Variants in RFX3 observed in about 807,000 individuals in gnomAD.
RFX3 encodes the protein regulatory factor X3.
Under a neutral mutation model 98.6 loss-of-function variants are expected in RFX3, and 14 were observed. The ratio of observed to expected loss-of-function variants is 0.14; its 90% CI spans 0.09 to 0.22. RFX3 has a LOEUF of 0.22. RFX3 is among the 10% of genes least tolerant of loss of function. RFX3 has a pLI of 1.00. For missense variants in RFX3, 639 were observed against 926.9 expected (o/e 0.69, Z 4.03); for synonymous variants, 383 against 328.4 (o/e 1.17, Z -1.80).
chr9:3,412,278 G>C (rs1842526306), intron 1 of RFX3, among the ~76,000 whole-genome samples: 2 of 152,076 alleles, frequency 1.3e-5, no homozygotes, highest in Non-Finnish European at 2.9e-5. Context: ...GGTTGGACAG[G>C]CCATCAAGGT....
chr9:3,414,414 C>T (rs1189540056), intron 1 of RFX3, among the ~76,000 whole-genome samples: 1 of 151,648 alleles, frequency 6.6e-6, no homozygotes, highest in African/African-American at 2.4e-5. Context: ...ATTATTCATA[C>T]TAGTTGAAAG....
At chr9:3,449,401 T>C (rs2132831825) in intron 1 of RFX3, among the ~76,000 whole-genome samples, 1 of 152,358 alleles carries the variant, frequency 6.6e-6, no homozygotes, top group South Asian at 2.1e-4. Context: ...TGTTTGCTTA[T>C]TTATTAGAGA....
intron 1 of RFX3, among the ~76,000 whole-genome samples, chr9:3,518,523 A>G (rs1175195517): frequency 1.3e-5 from 2 of 152,196 alleles, no homozygotes; most frequent in Non-Finnish European, 2.9e-5. Context: ...AAAGACATAT[A>G]GTATCAGGTA....
At chr9:3,445,534 G>A (rs1429651087) in intron 1 of RFX3, among the ~76,000 whole-genome samples, 2 of 152,018 alleles carry the variant, frequency 1.3e-5, no homozygotes, top group East Asian at 1.9e-4. Flanking sequence ...AAATCACTCC[G>A]AGTTCACTGA....
intron 1 of RFX3, among the ~76,000 whole-genome samples, chr9:3,443,816 C>G (rs1055851046): frequency 6.6e-6 from 1 of 152,116 alleles, no homozygotes; most frequent in Non-Finnish European, 1.5e-5. Flanking sequence ...ATTTACACTC[C>G]CACCAACGAT....
At chr9:3,504,944 A>ATATATT (rs1564185928) in intron 1 of RFX3, among the ~76,000 whole-genome samples, 1 of 59,328 alleles carries the variant, frequency 1.7e-5, no homozygotes, top group Non-Finnish European at 2.5e-5. Flanking sequence ...TAATATATAT[A>ATATATT]ATATAATATA....
chr9:3,443,797 G>A (rs776103993), intron 1 of RFX3, among the ~76,000 whole-genome samples: 6 of 152,166 alleles, frequency 3.9e-5, no homozygotes, highest in Non-Finnish European at 5.9e-5. Flanking sequence ...TTCCACAATG[G>A]TTGAACTAAT....
chr9:3,285,174 A>G (rs1773235123), intron 7 of RFX3, among the ~76,000 whole-genome samples: 1 of 151,860 alleles, frequency 6.6e-6, no homozygotes, highest in South Asian at 2.1e-4. Context: ...AAACAAATTT[A>G]CATTATGAAA....
At chr9:3,270,078 GAAGGAAAGAAAGAAAGAAAGAAA>G (rs1482312021) in intron 11 of RFX3, among the ~76,000 whole-genome samples, 1 of 43,556 alleles carries the variant, frequency 2.3e-5, no homozygotes, top group Non-Finnish European at 6.3e-5. Context: ...GAAAGAGAAA[GAAGGAAAGAAAGAAAGAAAGAAA>G]GAAAGAAAGA....
At chr9:3,524,772 T>C (rs1298579090) in intron 1 of RFX3, 1 of 199,126 alleles carries the variant, frequency 5.0e-6, no homozygotes. Context: ...TAAAGCACTG[T>C]CAATAACTAC....
intron 14 of RFX3, among the ~76,000 whole-genome samples, chr9:3,249,916 C>A (rs889806919): frequency 6.6e-6 from 1 of 151,842 alleles, no homozygotes; most frequent in Non-Finnish European, 1.5e-5. Context: ...ACTACTTTAA[C>A]GAATTCCTTA....
rs144981174 is a variant in RFX3 at position 3,291,449 on chromosome 9, T to C, written c.731+1628A>G. Among the ~76,000 whole-genome samples, 927 of 150,554 alleles carry C rather than the reference T, an allele frequency of 6.2e-3. 3 individuals are homozygous for C. The highest frequency in any genetic ancestry group is 1.0e-2 in the Non-Finnish European group (671 of 67,382). On this transcript the variant is annotated intron_variant, in intron 6 of 16. Transcript: ENST00000617270. The stretch of plus-strand genomic sequence containing the variant: ...ACAAAACAAAACAGACCTTGCTGAG[T>C]TTCCCCCAGATTAGAACCATTAGAT...
At chr9:3,440,485 T>G (rs1845521383) in intron 1 of RFX3, among the ~76,000 whole-genome samples, 1 of 152,066 alleles carries the variant, frequency 6.6e-6, no homozygotes, top group Admixed American at 6.6e-5. Context: ...AAAATAAATT[T>G]ATAATAGCAT....
intron 1 of RFX3, among the ~76,000 whole-genome samples, chr9:3,415,070 G>C (rs866690291): frequency 1.2e-5 from 1 of 81,368 alleles, no homozygotes; most frequent in Non-Finnish European, 2.0e-5. Context: ...TCATATATAA[G>C]TATATATATA....
intron 16 of RFX3, among the ~76,000 whole-genome samples, chr9:3,226,684 G>T (rs1817813874): frequency 6.6e-6 from 1 of 152,152 alleles, no homozygotes; most frequent in African/African-American, 2.4e-5. Flanking sequence ...ACATTCAAAG[G>T]GTTGGAGGGC....
At chr9:3,456,921 G>A (rs1028265228) in intron 1 of RFX3, among the ~76,000 whole-genome samples, 2 of 151,796 alleles carry the variant, frequency 1.3e-5, no homozygotes, top group Admixed American at 1.3e-4. Flanking sequence ...GGCTGAGGCG[G>A]GTGGATCATG....
rs770333176 is a variant in RFX3, at chr9:3,270,507, T to C, written c.1221A>G (p.Glu407=). The C allele has an allele frequency of 6.2e-6, 10 of 1,613,104 alleles. No homozygotes were observed. The South Asian group carries it at 1.1e-4, about 18-fold the overall frequency. ...ITESSNLSEI[E]SRLPKAKLIT... ...TCAGCTTTGCTTTCGGAAGTCGACT[T>C]TCTATTTCACTCAGATTGCTGGTGT... The change falls in exon 11 of 17, where the codon GAA becomes GAG. Residue 407 remains glutamate, a synonymous_variant. Coordinates refer to ENST00000617270, the MANE Select transcript of RFX3 (RefSeq NM_001282116.2).
At chr9:3,238,442 G>C (rs1469993996) in intron 15 of RFX3, among the ~76,000 whole-genome samples, 2 of 152,192 alleles carry the variant, frequency 1.3e-5, no homozygotes, top group Non-Finnish European at 2.9e-5. Context: ...CTGGAATGGG[G>C]GTGATTACAC....
At chr9:3,370,063 G>C (rs975615751) in intron 2 of RFX3, among the ~76,000 whole-genome samples, 6 of 145,054 alleles carry the variant, frequency 4.1e-5, no homozygotes, top group Admixed American at 1.4e-4. Context: ...GGATGGTCTC[G>C]ATCTCCTGAC....
Sources: allele counts gnomAD v4.1 joint callset (sites outside exome capture counted in the v4.1 genomes callset), GRCh38; gene constraint gnomAD v4.1.1; transcripts MANE v1.5; gene names NCBI Gene and HGNC (gene_info 2026-07-23, HGNC 2026-07-21).